KIAA1217: variants seen among roughly 807,000 people sequenced by gnomAD.
KIAA1217 encodes KIAA1217.
A neutral mutation model predicts 163.9 loss-of-function variants in KIAA1217; 88 were observed. The ratio of observed to expected loss-of-function variants is 0.54; its 90% CI spans 0.45 to 0.64. The LOEUF is 0.64. Ranked by LOEUF, KIAA1217 falls within the 30% of genes least tolerant of loss-of-function variation. The probability of loss-of-function intolerance (pLI) is 0.00; values close to 1 mark genes in which losing one functional copy is unlikely to be tolerated. For missense variants in KIAA1217, 2,372 were observed against 2,475.0 expected (o/e 0.96, Z 0.88); for synonymous variants, 903 against 923.1 (o/e 0.98, Z 0.39).
At chr10:24,460,340 AC>A (rs2062265595) in intron 5 of KIAA1217, among the ~76,000 whole-genome samples, 1 of 152,190 alleles carries the variant, frequency 6.6e-6, no homozygotes, top group East Asian at 1.9e-4. Context: ...TACTTAGGAT[AC>A]CCATGGAACT....
intron 1 of KIAA1217, among the ~76,000 whole-genome samples, chr10:24,001,256 C>T (rs1846731469): frequency 6.6e-6 from 1 of 152,150 alleles, no homozygotes; most frequent in Admixed American, 6.5e-5. Flanking sequence ...CATACATCTG[C>T]CATGCTTCAT....
intron 1 of KIAA1217, among the ~76,000 whole-genome samples, chr10:23,841,467 A>T (rs1057187371): frequency 1.3e-5 from 2 of 152,200 alleles, no homozygotes; most frequent in African/African-American, 4.8e-5. Flanking sequence ...AAAGCACCCA[A>T]AAGACATTTA....
At chr10:23,803,125 G>T (rs1234923666) in intron 1 of KIAA1217, among the ~76,000 whole-genome samples, 1 of 152,126 alleles carries the variant, frequency 6.6e-6, no homozygotes, top group Non-Finnish European at 1.5e-5. Flanking sequence ...GGAAAAGCTG[G>T]ACTACAGTTG....
Position 24,209,153 on chromosome 10 carries a change from A to C in KIAA1217, c.-41A>C. 6.3e-7 allele frequency: 1 copy of C among 1,595,988 alleles called. No individual in the cohort carries two copies. The highest frequency in any genetic ancestry group is 8.6e-7 in the Non-Finnish European group (1 of 1,164,002). ...GGGAGCTTTTAGAACTGCGCTCTGA[A>C]GTTTCCAGAGAGCGAGGAGCTTTTG... is the stretch of plus-strand genomic sequence containing the variant. On this transcript the variant is annotated 5_prime_UTR_variant, in exon 1 of 21. Transcript: ENST00000376454.
intron 1 of KIAA1217, among the ~76,000 whole-genome samples, chr10:23,996,905 T>A (rs1364851279): frequency 2.0e-5 from 3 of 152,156 alleles, no homozygotes; most frequent in Admixed American, 6.6e-5. Flanking sequence ...GGGATTTCAG[T>A]CACATGGTTT....
In KIAA1217 at chr10:24,169,049, G is replaced by A. The variant is rs895154049; in HGVS notation, c.-170-50577G>A. On this transcript the variant is annotated intron_variant, in intron 2 of 18. Coordinates refer to the KIAA1217 transcript ENST00000376462. Reference sequence around the variant, plus strand: ...GGACCTGGAGAACCAGGCAGGAAGTGCAGTTGATAAAATGAGCATAGTTAA... The same window carrying A: ...GGACCTGGAGAACCAGGCAGGAAGTACAGTTGATAAAATGAGCATAGTTAA... Among the ~76,000 whole-genome samples, 13 of 152,340 alleles carry A rather than the reference G, an allele frequency of 8.5e-5. No homozygotes were observed. The South Asian group carries it at 1.9e-3, about 22-fold the overall frequency.
At chr10:24,245,617 C>T (rs1564334045) in intron 2 of KIAA1217, among the ~76,000 whole-genome samples, 1 of 152,034 alleles carries the variant, frequency 6.6e-6, no homozygotes, top group African/African-American at 2.4e-5. Flanking sequence ...ATCTCATTTT[C>T]TCCCCTTCCC....
At chr10:23,854,876 C>A (rs1839566318) in intron 1 of KIAA1217, among the ~76,000 whole-genome samples, 2 of 152,102 alleles carry the variant, frequency 1.3e-5, no homozygotes, top group African/African-American at 4.8e-5. Flanking sequence ...GGTAGATCTT[C>A]CTCCATCCTT....
chr10:23,796,175 G>A (rs1836193405), intron 1 of KIAA1217, among the ~76,000 whole-genome samples: 1 of 151,986 alleles, frequency 6.6e-6, no homozygotes. Context: ...AGGACATAGG[G>A]GTGTGTTAGG....
At chr10:23,841,493 A>G (rs916012826) in intron 1 of KIAA1217, among the ~76,000 whole-genome samples, 1 of 152,194 alleles carries the variant, frequency 6.6e-6, no homozygotes, top group Admixed American at 6.6e-5. Context: ...AAGACATTAT[A>G]TATGGGAATG....
chr10:23,963,564 C>T (rs549917283), intron 1 of KIAA1217, among the ~76,000 whole-genome samples: 5 of 152,130 alleles, frequency 3.3e-5, no homozygotes, highest in African/African-American at 4.8e-5. Flanking sequence ...TGAACAGTGC[C>T]GCAATAAACA....
chr10:24,192,058 T>C (rs1208117127), intron 2 of KIAA1217, among the ~76,000 whole-genome samples: 3 of 152,206 alleles, frequency 2.0e-5, no homozygotes, highest in African/African-American at 4.8e-5. Flanking sequence ...ATTTACTTAA[T>C]GTAAGTTTGG....
chr10:24,087,360 C>G (rs991557303), intron 2 of KIAA1217, among the ~76,000 whole-genome samples: 1 of 152,194 alleles, frequency 6.6e-6, no homozygotes, highest in African/African-American at 2.4e-5. Flanking sequence ...AACTGCCTTA[C>G]ATAATTTAAG....
At chr10:24,033,533 C>G (rs1216477222) in intron 2 of KIAA1217, among the ~76,000 whole-genome samples, 1 of 152,180 alleles carries the variant, frequency 6.6e-6, no homozygotes, top group Non-Finnish European at 1.5e-5. Context: ...TGGAGACCAT[C>G]ATGACACTTA....
At chr10:23,737,588 A>G (rs867129440) in intron 1 of KIAA1217, among the ~76,000 whole-genome samples, 24 of 152,142 alleles carry the variant, frequency 1.6e-4, no homozygotes, top group African/African-American at 4.8e-4. Flanking sequence ...CCACTTTTCT[A>G]TCAGTTTAAT....
Position 23,993,553 on chromosome 10 carries a change from C to CTTTTTTTTTTTTTTTTTTTTTTTTTTTT in KIAA1217, c.-320-13652_-320-13651insTTTTTTTTTTTTTTTTTTTTTTTTTTTT, listed in dbSNP as rs200437343. On this transcript the variant is annotated intron_variant, in intron 1 of 18. Coordinates refer to the KIAA1217 transcript ENST00000376462. ...AAGAGTTTGGCTCTCCATAGCCCAG[C>CTTTTTTTTTTTTTTTTTTTTTTTTTTTT]TTTTTTTTTTTTTTTTTTTTGAGAC... 5.9e-4 allele frequency among the ~76,000 whole-genome samples: 41 copies of CTTTTTTTTTTTTTTTTTTTTTTTTTTTT among 68,940 alleles called. 11 individuals carry two copies. The highest frequency in any genetic ancestry group is 3.3e-3 in the African/African-American group (39 of 11,980). The allele number at this position is 68,940 out of a possible 152,430, so 45.2% of individuals were successfully genotyped here. A position where few individuals can be genotyped will look rare whatever the true frequency, so the allele number is the denominator to read the frequency against.
intron 1 of KIAA1217, among the ~76,000 whole-genome samples, chr10:23,854,508 G>A (rs1455981164): frequency 6.6e-6 from 1 of 152,086 alleles, no homozygotes; most frequent in East Asian, 1.9e-4. Context: ...GGGGTGGAGA[G>A]TTCTGTAGAT....
intron 1 of KIAA1217, among the ~76,000 whole-genome samples, chr10:23,927,183 A>C (rs1231407636): frequency 6.6e-6 from 1 of 152,116 alleles, no homozygotes; most frequent in African/African-American, 2.4e-5. Context: ...CTGGGATCCT[A>C]TTTATAAATT....
At chr10:24,208,041 G>T (rs573485046), upstream of KIAA1217, among the ~76,000 whole-genome samples, 6 of 151,732 alleles carry the variant, frequency 4.0e-5, no homozygotes, top group African/African-American at 1.5e-4. Context: ...ACAAAATCGC[G>T]CTCTTCCTCC....
Sources: allele counts gnomAD v4.1 joint callset (sites outside exome capture counted in the v4.1 genomes callset), GRCh38; gene constraint gnomAD v4.1.1; transcripts MANE v1.5; gene names NCBI Gene and HGNC (gene_info 2026-07-23, HGNC 2026-07-21).